TDRD10: variants seen among roughly 807,000 people sequenced by gnomAD.
The protein encoded by TDRD10 is tudor domain-containing protein 10.
In TDRD10, 40 loss-of-function variants were observed where a neutral mutation model predicts 48.0. That is an observed-to-expected ratio of 0.83 (90% confidence interval 0.65 to 1.09). The LOEUF is 1.09. Among genes scored for constraint, TDRD10 ranks in the 50% least tolerant of loss-of-function variants. The probability of loss-of-function intolerance (pLI) is 0.00; values close to 1 mark genes in which losing one functional copy is unlikely to be tolerated. For synonymous variants in TDRD10, 162 were observed against 170.4 expected, an observed-to-expected ratio of 0.95 and a Z score of 0.38; for missense variants, 378 against 434.7, an observed-to-expected ratio of 0.87 and a Z score of 1.16.
At chr1:154,526,001 A>G (rs1396206649) in intron 6 of TDRD10, among the ~76,000 whole-genome samples, 2 of 151,140 alleles carry the variant, frequency 1.3e-5, no homozygotes, top group African/African-American at 4.9e-5. Context: ...CAGGAGTTTG[A>G]GACCACCCTG....
At chr1:154,516,033 C>T (rs527443431) in intron 4 of TDRD10, among the ~76,000 whole-genome samples, 30 of 152,250 alleles carry the variant, frequency 2.0e-4, no homozygotes, top group Admixed American at 1.6e-3. Flanking sequence ...TACTTACTCC[C>T]CTTAGTGATG....
At chr1:154,534,044 G>GA (rs886296071) in intron 6 of TDRD10, among the ~76,000 whole-genome samples, 1 of 151,370 alleles carries the variant, frequency 6.6e-6, no homozygotes, top group Admixed American at 6.6e-5. Flanking sequence ...TTTTAAATGG[G>GA]AAAAAAAATG....
chr1:154,547,804 G>C lies in TDRD10; in HGVS notation c.*94G>C. ...CGTACCCCTTTCACTCTTGAGGCCT[G>C]GGAGGTGAAAAAGGCCAGACTGTGC... On this transcript the variant is annotated 3_prime_UTR_variant, in exon 13 of 13. Transcript: ENST00000368482. 6.6e-7 allele frequency: 1 copy of C among 1,520,942 alleles called. No homozygotes were observed. The highest frequency in any genetic ancestry group is 9.1e-7 in the Non-Finnish European group (1 of 1,101,252). The allele number at this position is 1,520,942 out of a possible 1,614,324, so 94.2% of individuals were successfully genotyped here.
At chr1:154,544,171 T>C (rs1570989214) in intron 9 of TDRD10, 61 bp downstream of exon 9, 1 of 1,609,656 alleles carries the variant, frequency 6.2e-7, no homozygotes, top group African/African-American at 1.3e-5. Context: ...CTCCCTAGGG[T>C]GGGCATGGTG....
At position 154,547,987 on chromosome 1, in the gene TDRD10, G is replaced by A. The variant is rs907297141; in HGVS notation, c.*277G>A. ...TTGAAAGCCTGAGGCAGCTGGGATG[G>A]TCTTTCTTGTGTCTCTTCTTTGCAC... On this transcript the variant is annotated 3_prime_UTR_variant, in exon 13 of 13. Transcript: ENST00000368482. The A allele has an allele frequency of 1.7e-5, 9 of 533,530 alleles. No individual in the cohort carries two copies. The South Asian group carries it at 2.2e-4, about 13-fold the overall frequency. The allele number at this position is 533,530 out of a possible 1,614,324, so 33.0% of individuals were successfully genotyped here.
chr1:154,517,274 G>A (rs1490516923), intron 4 of TDRD10, among the ~76,000 whole-genome samples: 1 of 152,186 alleles, frequency 6.6e-6, no homozygotes, highest in Non-Finnish European at 1.5e-5. Flanking sequence ...GGCTTGCTTT[G>A]ATCATGTCCA....
chr1:154,546,386 T>C (rs1557840706), intron 11 of TDRD10, among the ~76,000 whole-genome samples: 5 of 140,558 alleles, frequency 3.6e-5, no homozygotes. Context: ...TATATATATA[T>C]ATAAAATATA....
chr1:154,527,313 T>C (rs1228699273), intron 6 of TDRD10, among the ~76,000 whole-genome samples: 2 of 152,236 alleles, frequency 1.3e-5, no homozygotes, highest in Non-Finnish European at 2.9e-5. Context: ...CAATAAAATA[T>C]AATCGAGAAC....
intron 3 of TDRD10, 53 bp downstream of exon 3, chr1:154,507,373 G>C: frequency 6.3e-7 from 1 of 1,597,514 alleles, no homozygotes; most frequent in Non-Finnish European, 8.6e-7. Context: ...CTACAACTTG[G>C]ATTCCAGTTA....
chr1:154,543,172 G>A (rs1429316296), intron 8 of TDRD10, among the ~76,000 whole-genome samples: 1 of 151,668 alleles, frequency 6.6e-6, no homozygotes, highest in Non-Finnish European at 1.5e-5. Context: ...CTACTTGGGA[G>A]GCTGAGGCAG....
At position 154,506,913 on chromosome 1, in the gene TDRD10, C is replaced by T; in HGVS notation, c.2+8C>T. 6.2e-7 allele frequency: 1 copy of T among 1,614,138 alleles called. No individual in the cohort carries two copies. The highest frequency in any genetic ancestry group is 8.5e-7 in the Non-Finnish European group (1 of 1,180,024). On this transcript the variant is annotated splice_region_variant and intron_variant, in intron 2 of 12. Coordinates refer to ENST00000368482, the MANE Select transcript of TDRD10 (RefSeq NM_182499.4). ...GGAAAGCAACTGCAGCATGTAAGTC[C>T]CTTCCTTTTGCTGATGAGCAAGCCT...
Position 154,525,343 on chromosome 1 carries a change from A to G in TDRD10, c.369+3864A>G, listed in dbSNP as rs182376195. ...TAAGTACACAAAAGCTGAACATAAA[A>G]TCCCCATAAATGTGGACATTTAAAA... is the stretch of plus-strand genomic sequence containing the variant. On this transcript the variant is annotated intron_variant, in intron 6 of 12. Transcript: ENST00000368482. Among the ~76,000 whole-genome samples, 859 of 152,288 alleles carry G rather than the reference A, an allele frequency of 5.6e-3. 2 individuals are homozygous for G. The highest frequency in any genetic ancestry group is 0.037 in the Middle Eastern group (11 of 294).
At chr1:154,508,326 G>T in intron 3 of TDRD10, 97 bp from the exon 4 acceptor site, 1 of 832,858 alleles carries the variant, frequency 1.2e-6, no homozygotes, top group Admixed American at 1.9e-5. Context: ...ACCAGACTGG[G>T]CAACATAGAG....
At chr1:154,518,118 C>A (rs1012335570) in intron 4 of TDRD10, among the ~76,000 whole-genome samples, 3 of 152,272 alleles carry the variant, frequency 2.0e-5, no homozygotes, top group Admixed American at 2.0e-4. Context: ...GGCTATCGAT[C>A]CCTTAAACCA....
chr1:154,506,948 C>A (rs1693182933), intron 2 of TDRD10, 43 bp downstream of exon 2: 1 of 1,613,978 alleles, frequency 6.2e-7, no homozygotes, highest in South Asian at 1.1e-5. Context: ...TCGCTCCATC[C>A]CCCAGCCTTC....
intron 6 of TDRD10, among the ~76,000 whole-genome samples, chr1:154,528,381 G>A (rs10908844): frequency 0.79 from 119,114 of 151,590 alleles, 47,514 homozygotes; most frequent in East Asian, 0.92. Flanking sequence ...GCACCACCAC[G>A]CGCAGCAAAT....
intron 6 of TDRD10, among the ~76,000 whole-genome samples, chr1:154,538,592 G>A (rs373577220): frequency 3.3e-4 from 48 of 145,100 alleles, no homozygotes; most frequent in African/African-American, 9.9e-4. Flanking sequence ...GGTGGCTCAT[G>A]CCTGTAATCC....
At chr1:154,543,389 C>T (rs1158647476) in intron 8 of TDRD10, among the ~76,000 whole-genome samples, 2 of 152,200 alleles carry the variant, frequency 1.3e-5, no homozygotes, top group East Asian at 1.9e-4. Flanking sequence ...CCACCATGTC[C>T]CCTGCTTTGC....
At chr1:154,514,992 T>C (rs1317497304) in intron 4 of TDRD10, among the ~76,000 whole-genome samples, 1 of 151,962 alleles carries the variant, frequency 6.6e-6, no homozygotes, top group Non-Finnish European at 1.5e-5. Context: ...CTCAGCCTCC[T>C]GTGTAGCTGA....
Sources: gnomAD v4.1 joint callset for allele counts (sites outside exome capture counted in the v4.1 genomes callset) on GRCh38, gnomAD v4.1.1 for gene constraint, MANE v1.5 for transcripts, NCBI Gene and HGNC (gene_info 2026-07-23, HGNC 2026-07-21) for gene names.